The following ZNF618 variants were observed in gnomAD, a reference collection of about 807,000 sequenced individuals.
The protein encoded by ZNF618 is neural precursor cell expressed, developmentally down-regulated 10.
In ZNF618, 34 loss-of-function variants were observed where a neutral mutation model predicts 103.0. The observed-to-expected ratio is 0.33, with a 90% CI of 0.25 to 0.44. The LOEUF (loss-of-function observed/expected upper bound fraction) is 0.44. Among genes scored for constraint, ZNF618 ranks in the 20% least tolerant of loss-of-function variants. The pLI is 1.00. For missense variants in ZNF618, 1,059 were observed against 1,295.4 expected (o/e 0.82, Z 2.80); for synonymous variants, 551 against 542.2 (o/e 1.02, Z -0.23).
chr9:113,996,616 G>A (rs933842304), intron 3 of ZNF618, among the ~76,000 whole-genome samples: 2 of 152,184 alleles, frequency 1.3e-5, no homozygotes, highest in Non-Finnish European at 2.9e-5. Flanking sequence ...TGGGAGCTGT[G>A]AACTCGGATT....
intron 1 of ZNF618, among the ~76,000 whole-genome samples, chr9:113,899,633 A>C (rs562224167): frequency 6.6e-6 from 1 of 152,282 alleles, no homozygotes; most frequent in African/African-American, 2.4e-5. Context: ...TCCATGGAAA[A>C]ACTGTCTTCT....
At chr9:114,036,471 CCGCT>C in intron 13 of ZNF618, 94 bp downstream of exon 13, 1 of 1,313,822 alleles carries the variant, frequency 7.6e-7, no homozygotes. Context: ...CTGGAGAAGG[CCGCT>C]CTTTCCTGGA....
chr9:113,973,102 T>G lies in ZNF618; in HGVS notation c.77+3942T>G, dbSNP rs924461233. Among the ~76,000 whole-genome samples the G allele has an allele frequency of 2.6e-5, 4 of 152,098 alleles. No individual in the cohort carries two copies. In the South Asian group the frequency reaches 8.3e-4, roughly 32 times the overall value. On this transcript the variant is annotated intron_variant, in intron 2 of 14. Transcript: ENST00000374126. ...AAAAAAAAAGAGAGAACATTGTCAGTGTGGTGGCCTTAGCTGACACCACTG... is the reference window on the plus strand; with the variant it reads ...AAAAAAAAAGAGAGAACATTGTCAGGGTGGTGGCCTTAGCTGACACCACTG...
chr9:113,876,456 G>T (rs985845571), intron 1 of ZNF618, 43 bp downstream of exon 1: 18 of 1,180,340 alleles, frequency 1.5e-5, no homozygotes, highest in African/African-American at 1.6e-5. Flanking sequence ...GGGGGACCCC[G>T]GGGGGCCGGG....
intron 2 of ZNF618, among the ~76,000 whole-genome samples, chr9:113,980,666 G>A (rs1838891187): frequency 6.6e-6 from 1 of 152,246 alleles, no homozygotes; most frequent in Admixed American, 6.5e-5. Flanking sequence ...GATCCTTGGG[G>A]CATATCAAGT....
chr9:114,022,777 C>T (rs951891291), intron 10 of ZNF618, among the ~76,000 whole-genome samples: 40 of 152,018 alleles, frequency 2.6e-4, no homozygotes, highest in African/African-American at 8.9e-4. Context: ...TCTATTTCCC[C>T]TTTTAGGTTT....
chr9:113,994,717 A>G lies in ZNF618; in HGVS notation c.338-3542A>G, dbSNP rs73658311. 2.6e-3 allele frequency among the ~76,000 whole-genome samples: 397 copies of G among 152,372 alleles called. 2 individuals are homozygous for G. The highest frequency in any genetic ancestry group is 0.014 in the Middle Eastern group (4 of 294). Reference sequence around the variant, plus strand: ...ACGTAAAACCAGTACCACTGCTATTAGCTGGAACCTCAGGACATTGATGCC... The same window carrying G: ...ACGTAAAACCAGTACCACTGCTATTGGCTGGAACCTCAGGACATTGATGCC... On this transcript the variant is annotated intron_variant, in intron 3 of 14. Coordinates refer to ENST00000374126, the MANE Select transcript of ZNF618 (RefSeq NM_001318042.2).
intron 1 of ZNF618, among the ~76,000 whole-genome samples, chr9:113,902,486 T>C (rs1239999713): frequency 6.6e-6 from 1 of 152,220 alleles, no homozygotes; most frequent in East Asian, 1.9e-4. Flanking sequence ...GCTCCTCCCC[T>C]ACCTCCAAGC....
chr9:113,984,093 G>A (rs1839230488), intron 2 of ZNF618, among the ~76,000 whole-genome samples: 1 of 152,202 alleles, frequency 6.6e-6, no homozygotes, highest in Admixed American at 6.5e-5. Context: ...GCAGTTTGGT[G>A]AGCCAGTGTA....
At chr9:114,047,509 T>C (rs1209574123) in intron 13 of ZNF618, among the ~76,000 whole-genome samples, 2 of 152,132 alleles carry the variant, frequency 1.3e-5, no homozygotes, top group Non-Finnish European at 2.9e-5. Context: ...TGGTACTCCC[T>C]CCCTTCCCTC....
chr9:114,034,581 A>G (rs1162231998), intron 12 of ZNF618, among the ~76,000 whole-genome samples: 1 of 152,084 alleles, frequency 6.6e-6, no homozygotes, highest in East Asian at 1.9e-4. Flanking sequence ...CACTTTTTGG[A>G]GTGGGAAACT....
intron 2 of ZNF618, among the ~76,000 whole-genome samples, chr9:113,978,485 T>G (rs1443418360): frequency 4.6e-5 from 7 of 152,236 alleles, no homozygotes; most frequent in African/African-American, 1.4e-4. Flanking sequence ...GGTGGGACCC[T>G]TCATTCCTTT....
chr9:113,956,249 T>C (rs183812762), intron 1 of ZNF618, among the ~76,000 whole-genome samples: 76 of 141,914 alleles, frequency 5.4e-4, no homozygotes, highest in Non-Finnish European at 9.8e-4. Context: ...AGAAGAGCAT[T>C]GGACTAGATT....
At chr9:113,967,170 G>A (rs573661011) in intron 1 of ZNF618, among the ~76,000 whole-genome samples, 1 of 152,316 alleles carries the variant, frequency 6.6e-6, no homozygotes, top group African/African-American at 2.4e-5. Flanking sequence ...ATCCATTTGG[G>A]AGTTAACCAT....
rs148770021 is a variant in ZNF618, at chr9:114,012,481, A to G, written c.754+3927A>G. Among the ~76,000 whole-genome samples the G allele has an allele frequency of 1.7e-3, 259 of 152,298 alleles. 2 individuals carry two copies. The highest frequency in any genetic ancestry group is 6.1e-3 in the African/African-American group (252 of 41,568). On this transcript the variant is annotated intron_variant, in intron 9 of 14. Coordinates refer to ENST00000374126, the MANE Select transcript of ZNF618 (RefSeq NM_001318042.2). The stretch of plus-strand genomic sequence containing the variant: ...CCCAAAGGCCCCATCTCCACATGCT[A>G]TCACATTAGGAGTTAGAGTTTCAAC...
rs1846005001 is a variant in ZNF618, at chr9:114,049,995, A to G, written c.2693A>G (p.Gln898Arg). Reference protein sequence around the residue: ...DLFQYWSCVTQKHTKLAKLAF... With the variant: ...DLFQYWSCVTRKHTKLAKLAF... ...TTCCAGTACTGGTCGTGCGTTACCC[A>G]AAAGCACACAAAACTCGCCAAGCTC... The change falls in exon 15 of 15, where the codon CAA becomes CGA. Residue 898 changes from glutamine to arginine, a missense_variant. Physicochemically the swap from Gln to Arg is conservative, Grantham distance 43 (BLOSUM62 1). This residue lies in a region of ZNF618 where 156 missense variants were observed against 197.1 expected (regional missense o/e 0.79). Coordinates refer to ENST00000374126, the MANE Select transcript of ZNF618 (RefSeq NM_001318042.2). 11 of 1,613,990 alleles carry G rather than the reference A, an allele frequency of 6.8e-6. No homozygotes were observed. Among genetic ancestry groups the G allele is most frequent in the Non-Finnish European group, 9.3e-6 (11 of 1,179,896 alleles).
At chr9:113,903,897 G>A (rs1830759203) in intron 1 of ZNF618, among the ~76,000 whole-genome samples, 2 of 151,428 alleles carry the variant, frequency 1.3e-5, no homozygotes, top group African/African-American at 4.9e-5. Context: ...GATTAATGAT[G>A]TGTCTGTTTC....
At chr9:113,943,794 G>A (rs183118578) in intron 1 of ZNF618, among the ~76,000 whole-genome samples, 21 of 152,250 alleles carry the variant, frequency 1.4e-4, no homozygotes, top group Non-Finnish European at 2.9e-4. Context: ...CCCTGGCCTC[G>A]GCTGTGCCCT....
chr9:114,027,626 G>A (rs1181246511), intron 10 of ZNF618, among the ~76,000 whole-genome samples: 5 of 152,260 alleles, frequency 3.3e-5, no homozygotes, highest in African/African-American at 1.2e-4. Context: ...ATGAGCAGAG[G>A]TGGCGGGCCA....
Sources: allele counts gnomAD v4.1 joint callset (sites outside exome capture counted in the v4.1 genomes callset), GRCh38; gene constraint gnomAD v4.1.1; regional missense constraint gnomAD v4.1.1; transcripts MANE v1.5; gene names NCBI Gene and HGNC (gene_info 2026-07-23, HGNC 2026-07-21).